The following KCNMA1 variants were observed in gnomAD, a reference collection of about 807,000 sequenced individuals.
The protein encoded by KCNMA1 is potassium calcium-activated channel subfamily M alpha 1.
KCNMA1 carries 29 observed loss-of-function variants against 140.0 expected under a neutral mutation model. The observed-to-expected ratio is 0.21, with a 90% CI of 0.15 to 0.28. KCNMA1 has a LOEUF of 0.28. KCNMA1 is among the 10% of genes least tolerant of loss of function. The pLI is 1.00. For synonymous variants in KCNMA1, 612 were observed against 611.9 expected (o/e 1.00, Z 0.00); for missense variants, 880 against 1,602.2 (o/e 0.55, Z 7.70).
intron 2 of KCNMA1, among the ~76,000 whole-genome samples, chr10:77,384,358 C>A (rs995963471): frequency 6.6e-6 from 1 of 152,180 alleles, no homozygotes; most frequent in East Asian, 1.9e-4. Context: ...TGAGGCAAGC[C>A]GTGGTTGCCA....
At chr10:77,075,576 G>T (rs1325818796) in intron 13 of KCNMA1, among the ~76,000 whole-genome samples, 9 of 152,268 alleles carry the variant, frequency 5.9e-5, no homozygotes, top group Non-Finnish European at 1.5e-5. Flanking sequence ...GTCCCCCATG[G>T]CCCTGTCTGG....
chr10:76,875,204 C>T (rs190238237), downstream of KCNMA1: 1 of 152,266 alleles, frequency 6.6e-6, no homozygotes, highest in East Asian at 1.9e-4. Flanking sequence ...GCCAAAGGGC[C>T]CAACAATCAG....
In KCNMA1 at chr10:77,027,824, G is replaced by T; in HGVS notation, c.1927C>A (p.Arg643Ser). The T allele has an allele frequency of 6.2e-7, 1 of 1,613,700 alleles. No homozygotes were observed. The change falls in exon 16 of 28, where the codon CGT (arginine) becomes AGT (serine). Residue 643 changes from arginine (R) to serine (S), a missense_variant and splice_region_variant. By Grantham distance (110) the Arg-to-Ser change is moderately radical (BLOSUM62 -1). This residue lies in a region of KCNMA1 where 196 missense variants were observed against 233.0 expected (regional missense o/e 0.84). Transcript: ENST00000286628. ...GCTGCTGGGTCACCGCAAACTTACC[G>T]GCTCTCTCGGTTGGCAGACTTGTAC... The part of the protein sequence containing the change: ...IEYKSANRES[R>S]ILINPGNHLK...
chr10:76,988,105 G>A (rs1239283061), intron 19 of KCNMA1, among the ~76,000 whole-genome samples: 1 of 152,152 alleles, frequency 6.6e-6, no homozygotes, highest in Non-Finnish European at 1.5e-5. Context: ...ATCGGTAGGA[G>A]GAAAGAGAGA....
chr10:77,433,527 G>A (rs953660448), intron 1 of KCNMA1: 3 of 152,142 alleles, frequency 2.0e-5, no homozygotes, highest in African/African-American at 7.2e-5. Flanking sequence ...CAAATCTCTA[G>A]GTAATTCTTC....
chr10:77,538,354 C>A (rs1186586021), intron 1 of KCNMA1, among the ~76,000 whole-genome samples: 2 of 152,180 alleles, frequency 1.3e-5, no homozygotes, highest in Non-Finnish European at 2.9e-5. Context: ...CCAGCAGCAC[C>A]CAGGTGAATC....
intron 23 of KCNMA1, among the ~76,000 whole-genome samples, chr10:76,918,592 G>A (rs1442308776): frequency 6.6e-6 from 1 of 152,124 alleles, no homozygotes; most frequent in African/African-American, 2.4e-5. Flanking sequence ...AGAAACAGTA[G>A]ATGTTGGCAT....
chr10:76,992,842 G>A (rs898974073), intron 19 of KCNMA1, among the ~76,000 whole-genome samples: 2 of 152,194 alleles, frequency 1.3e-5, no homozygotes, highest in African/African-American at 4.8e-5. Context: ...ACTCTGTGTG[G>A]CAGTACTTCA....
In KCNMA1 at chr10:76,885,216, G is replaced by A; in HGVS notation, c.*2050C>T. On this transcript the variant is annotated 3_prime_UTR_variant, in exon 28 of 28. Coordinates refer to ENST00000286628, the MANE Select transcript of KCNMA1 (RefSeq NM_001161352.2). ...ATACATATATATAGTTATATATATA[G>A]TTATATATATATAATTATATAGTTA... 6.2e-6 allele frequency: 3 copies of A among 484,776 alleles called. No homozygotes were observed. The highest frequency in any genetic ancestry group is 8.1e-6 in the Non-Finnish European group (3 of 371,262). 30.0% of individuals were successfully genotyped at this position (484,776 alleles called of 1,614,324 possible). A position where few individuals can be genotyped will look rare whatever the true frequency, so the allele number is the denominator to read the frequency against.
At chr10:77,208,442 T>A (rs1000901432) in intron 3 of KCNMA1, among the ~76,000 whole-genome samples, 1 of 152,058 alleles carries the variant, frequency 6.6e-6, no homozygotes, top group African/African-American at 2.4e-5. Context: ...TAAGTTATGA[T>A]CACACAACTC....
chr10:77,483,214 C>T (rs1272732851), intron 1 of KCNMA1, among the ~76,000 whole-genome samples: 2 of 152,156 alleles, frequency 1.3e-5, no homozygotes, highest in Non-Finnish European at 1.5e-5. Context: ...TTTTAATTGG[C>T]AGCGCCACTA....
chr10:77,326,912 C>T (rs910485721), intron 2 of KCNMA1, among the ~76,000 whole-genome samples: 3 of 151,954 alleles, frequency 2.0e-5, no homozygotes, highest in Non-Finnish European at 4.4e-5. Context: ...GAGACTAGTC[C>T]ACACCAAAGT....
At chr10:77,238,647 C>A (rs2056367598) in intron 3 of KCNMA1, among the ~76,000 whole-genome samples, 1 of 152,184 alleles carries the variant, frequency 6.6e-6, no homozygotes, top group Admixed American at 6.5e-5. Context: ...TTCACTTAGA[C>A]ATGTTTTGTA....
chr10:77,591,564 G>A (rs936798312), intron 1 of KCNMA1, among the ~76,000 whole-genome samples: 2 of 152,324 alleles, frequency 1.3e-5, no homozygotes, highest in East Asian at 3.9e-4. Context: ...AACTCTGAGG[G>A]TGGGACCCAG....
chr10:77,378,146 TG>T (rs1196448938), intron 2 of KCNMA1, among the ~76,000 whole-genome samples: 4 of 152,130 alleles, frequency 2.6e-5, no homozygotes. Flanking sequence ...GAAGCAGCAC[TG>T]GGGGTCACTG....
chr10:77,209,928 C>CA (rs34004473), intron 3 of KCNMA1, among the ~76,000 whole-genome samples: 30,654 of 128,126 alleles, frequency 0.24, 3,904 homozygotes, highest in Non-Finnish European at 0.3. Flanking sequence ...ACCTACCAAC[C>CA]AAAAAAAAAA....
intron 9 of KCNMA1, among the ~76,000 whole-genome samples, chr10:77,103,990 G>A (rs1322323045): frequency 6.6e-6 from 1 of 152,182 alleles, no homozygotes; most frequent in Non-Finnish European, 1.5e-5. Flanking sequence ...CTCAAGAGAT[G>A]ACATGGAGAG....
intron 1 of KCNMA1, among the ~76,000 whole-genome samples, chr10:77,474,819 C>G (rs1023052271): frequency 1.3e-5 from 2 of 152,148 alleles, no homozygotes; most frequent in African/African-American, 4.8e-5. Flanking sequence ...CCTGAGCAAG[C>G]TGCTCAGTCT....
intron 2 of KCNMA1, among the ~76,000 whole-genome samples, chr10:77,364,306 C>T (rs906222767): frequency 6.6e-6 from 1 of 151,946 alleles, no homozygotes; most frequent in Non-Finnish European, 1.5e-5. Context: ...CAAAAATTAG[C>T]CAGGTATGGT....
Sources: gnomAD v4.1 joint callset for allele counts (sites outside exome capture counted in the v4.1 genomes callset) on GRCh38, gnomAD v4.1.1 for gene constraint, gnomAD v4.1.1 regional missense constraint, MANE v1.5 for transcripts, NCBI Gene and HGNC (gene_info 2026-07-23, HGNC 2026-07-21) for gene names.